The following PRSS23 variants were observed in gnomAD, a reference collection of about 807,000 sequenced individuals.
PRSS23 encodes the protein protease, serine 23.
Under a neutral mutation model 34.7 loss-of-function variants are expected in PRSS23, and 25 were observed. The observed-to-expected ratio is 0.72, with a 90% CI of 0.53 to 1.01. The LOEUF is 1.01. PRSS23 is among the 50% of genes least tolerant of loss of function. PRSS23 has a pLI of 0.00. For synonymous variants in PRSS23, 176 were observed against 186.6 expected, an observed-to-expected ratio of 0.94 and a Z score of 0.46; for missense variants, 445 against 475.6, an observed-to-expected ratio of 0.94 and a Z score of 0.60.
At chr11:86,894,984 G>C (rs1245198709) in intron 2 of PRSS23, among the ~76,000 whole-genome samples, 1 of 152,104 alleles carries the variant, frequency 6.6e-6, no homozygotes, top group Non-Finnish European at 1.5e-5. Flanking sequence ...CCAAAGAAAG[G>C]ATCTAGTATT....
chr11:86,951,316 T>C lies in PRSS23; in HGVS notation c.*31T>C, dbSNP rs751738021. 2.4e-5 allele frequency: 38 copies of C among 1,613,888 alleles called. No individual in the cohort carries two copies. In the South Asian group the frequency reaches 3.6e-4, roughly 15 times the overall value. ...TGCCCACCAACAAAGACATAAAAAT[T>C]TTCAACATTTCAACAGCCATGTTGG... is the stretch of plus-strand genomic sequence containing the variant. On this transcript the variant is annotated 3_prime_UTR_variant, in exon 3 of 3. Coordinates refer to the PRSS23 transcript ENST00000533902.
At chr11:86,896,090 C>T (rs1410752342) in intron 2 of PRSS23, among the ~76,000 whole-genome samples, 3 of 152,110 alleles carry the variant, frequency 2.0e-5, no homozygotes, top group African/African-American at 7.2e-5. Flanking sequence ...TTTTTAAACT[C>T]CTTAAAACTT....
chr11:86,859,121 A>G (rs7107731), intron 2 of PRSS23, among the ~76,000 whole-genome samples: 59,375 of 151,588 alleles, frequency 0.39, 12,073 homozygotes, highest in African/African-American at 0.49. Context: ...CTAATATCCA[A>G]GGGGGAAGAG....
At chr11:86,839,836 G>A (rs892291966) in intron 2 of PRSS23, among the ~76,000 whole-genome samples, 4 of 149,520 alleles carry the variant, frequency 2.7e-5, no homozygotes, top group Non-Finnish European at 4.4e-5. Context: ...CCAGAATCTC[G>A]TATGCAGCCA....
At chr11:86,951,424 G>A in exon 3 of PRSS23, 1 of 1,613,202 alleles carries the variant, frequency 6.2e-7, no homozygotes, top group Non-Finnish European at 8.5e-7. Context: ...CAGGAACTGT[G>A]TACAGTACTG....
intron 2 of PRSS23, among the ~76,000 whole-genome samples, chr11:86,914,263 AGGAGTGTTAC>A (rs1486047517): frequency 1.3e-5 from 2 of 152,134 alleles, no homozygotes; most frequent in African/African-American, 4.8e-5. Flanking sequence ...AAGTTGCAAA[AGGAGTGTTAC>A]TGATTAATAA....
upstream of PRSS23, among the ~76,000 whole-genome samples, chr11:86,796,640 CAAAAAAAAA>C (rs10543755): frequency 2.5e-5 from 2 of 80,318 alleles, no homozygotes; most frequent in South Asian, 5.0e-4. Flanking sequence ...GACTCCGTCT[CAAAAAAAAA>C]AAAAAAAAAA....
At chr11:86,830,481 A>G (rs989356095) in intron 2 of PRSS23, among the ~76,000 whole-genome samples, 2 of 152,054 alleles carry the variant, frequency 1.3e-5, no homozygotes, top group East Asian at 1.9e-4. Context: ...CAGCTCGCAC[A>G]TGGTGCACTG....
intron 1 of PRSS23, among the ~76,000 whole-genome samples, chr11:86,804,181 A>C (rs1948073211): frequency 2.0e-5 from 3 of 152,198 alleles, no homozygotes; most frequent in African/African-American, 7.2e-5. Flanking sequence ...TAAGCAACTT[A>C]AGAAGCTTGT....
intron 2 of PRSS23, among the ~76,000 whole-genome samples, chr11:86,894,966 G>A (rs189930817): frequency 1.0e-3 from 157 of 152,108 alleles, no homozygotes; most frequent in Non-Finnish European, 1.6e-3. Context: ...GCTGTCTTCA[G>A]GACAAAGCCA....
exon 1 of PRSS23, chr11:86,791,128 C>T (rs527928587): frequency 6.6e-6 from 1 of 152,508 alleles, no homozygotes; most frequent in South Asian, 2.1e-4. Flanking sequence ...TCCAGGAGCA[C>T]AGGCGCAGAG....
At chr11:86,859,720 C>A (rs973644584) in intron 2 of PRSS23, among the ~76,000 whole-genome samples, 8 of 151,842 alleles carry the variant, frequency 5.3e-5, no homozygotes, top group African/African-American at 1.7e-4. Context: ...TTCATAATAT[C>A]CTGGGGGGAG....
Position 86,952,026 on chromosome 11 carries a change from C to T in PRSS23, c.*741C>T, listed in dbSNP as rs766074842. 3 of 1,613,848 alleles carry T rather than the reference C, an allele frequency of 1.9e-6. No individual in the cohort carries two copies. Among genetic ancestry groups the T allele is most frequent in the African/African-American group, 2.7e-5 (2 of 74,890 alleles). On this transcript the variant is annotated 3_prime_UTR_variant, in exon 3 of 3. Transcript: ENST00000533902. ...TCAGGGTAGGAAAACCTAGAAGAAT[C>T]GATCAGGAAGGTCAGTACTGTGAAG... is the stretch of plus-strand genomic sequence containing the variant.
rs73520737 is a variant in PRSS23 at position 86,807,649 on chromosome 11, A to C, written c.6A>C (p.Ala2=). Residue 2 remains alanine (A), a synonymous_variant, in exon 2 of 2, where the codon GCA becomes GCC. Transcript: ENST00000280258. M[A]GIPGLLFLLF... Reference sequence around the variant, plus strand: ...TCTACAGAACAGTGCTCGGCATGGCAGGGATTCCAGGGCTCCTCTTCCTTC... The same window carrying C: ...TCTACAGAACAGTGCTCGGCATGGCCGGGATTCCAGGGCTCCTCTTCCTTC... 37 of 1,608,576 alleles carry C rather than the reference A, an allele frequency of 2.3e-5. No individual in the cohort carries two copies. In the African/African-American group the frequency reaches 4.4e-4, roughly 19 times the overall value.
rs1029912085 is a variant in PRSS23 at position 86,810,631 on chromosome 11, C to T, written c.*1836C>T. 1 of 166,838 alleles carries T rather than the reference C, an allele frequency of 6.0e-6. No individual in the cohort carries two copies. Among genetic ancestry groups the T allele is most frequent in the Non-Finnish European group, 1.5e-5 (1 of 68,074 alleles). 10.3% of individuals were successfully genotyped at this position (166,838 alleles called of 1,614,324 possible). ...AAAAAAAGTTCACTGAACACCAAGA[C>T]CAGAATGGATTTTTTTAAAAAAATA... is the stretch of plus-strand genomic sequence containing the variant. On this transcript the variant is annotated 3_prime_UTR_variant, in exon 2 of 2. Coordinates refer to ENST00000280258, the MANE Select transcript of PRSS23 (RefSeq NM_007173.6).
chr11:86,867,656 A>G (rs1380111801), intron 2 of PRSS23, among the ~76,000 whole-genome samples: 4 of 152,088 alleles, frequency 2.6e-5, no homozygotes, highest in African/African-American at 9.7e-5. Flanking sequence ...AAGGCTGGAG[A>G]ATTGCTTGAG....
chr11:86,940,629 C>A (rs1308172735), intron 2 of PRSS23, among the ~76,000 whole-genome samples: 1 of 152,136 alleles, frequency 6.6e-6, no homozygotes, highest in Non-Finnish European at 1.5e-5. Flanking sequence ...CTGTGCTGAG[C>A]GCAGGAGAGA....
At chr11:86,815,284 T>G (rs1948207273), downstream of PRSS23, among the ~76,000 whole-genome samples, 1 of 152,230 alleles carries the variant, frequency 6.6e-6, no homozygotes, top group Admixed American at 6.5e-5. Context: ...CCCTGTTTTA[T>G]TGTCCTGCTC....
chr11:86,833,409 G>A lies in PRSS23; in HGVS notation c.206+9816G>A. On this transcript the variant is annotated intron_variant, in intron 2 of 2. Coordinates refer to the PRSS23 transcript ENST00000533902. Reference sequence around the variant, plus strand: ...CCAGCTGCAGTTTTGGATCCTCTGAGAGTTCTAGGAGGAGGAATTTTGAAG... The same window carrying A: ...CCAGCTGCAGTTTTGGATCCTCTGAAAGTTCTAGGAGGAGGAATTTTGAAG... 2 of 612,982 alleles carry A rather than the reference G, an allele frequency of 3.3e-6. 1 individual carries two copies. The highest frequency in any genetic ancestry group is 6.1e-6 in the Non-Finnish European group (2 of 326,196). 38.0% of individuals were successfully genotyped at this position (612,982 alleles called of 1,614,324 possible).
Sources: allele counts gnomAD v4.1 joint callset (sites outside exome capture counted in the v4.1 genomes callset), GRCh38; gene constraint gnomAD v4.1.1; transcripts MANE v1.5; gene names NCBI Gene and HGNC (gene_info 2026-07-23, HGNC 2026-07-21).